Variants in UTP18 observed in about 807,000 individuals in gnomAD.
The protein encoded by UTP18 is UTP18 small subunit processome component.
In UTP18, 36 loss-of-function variants were observed where a neutral mutation model predicts 61.1. That is an observed-to-expected ratio of 0.59 (90% CI 0.45 to 0.78). The LOEUF is 0.78. Among genes scored for constraint, UTP18 ranks in the 30% least tolerant of loss-of-function variants. The probability of loss-of-function intolerance (pLI) is 0.00; values close to 1 mark genes in which losing one functional copy is unlikely to be tolerated. For missense variants in UTP18, 753 were observed against 693.9 expected (o/e 1.09, Z -0.96); for synonymous variants, 282 against 251.1 (o/e 1.12, Z -1.16).
chr17:51,269,600 C>T (rs1424861963), intron 4 of UTP18, among the ~76,000 whole-genome samples: 2 of 152,184 alleles, frequency 1.3e-5, no homozygotes, highest in Middle Eastern at 6.8e-3. Flanking sequence ...CTCCTTTGTC[C>T]CCTTTCTTCC....
At chr17:51,282,593 A>C (rs1904974107) in intron 9 of UTP18, among the ~76,000 whole-genome samples, 1 of 151,472 alleles carries the variant, frequency 6.6e-6, no homozygotes, top group Admixed American at 6.6e-5. Flanking sequence ...CCTGGTAGAG[A>C]GAGAGTCGGG....
At chr17:51,268,956 C>G (rs769471546) in intron 4 of UTP18, 52 bp downstream of exon 4, 1 of 1,554,404 alleles carries the variant, frequency 6.4e-7, no homozygotes, top group Non-Finnish European at 8.9e-7. Flanking sequence ...TGTTCCTGTT[C>G]GTTATTATTT....
chr17:51,288,279 G>GA, intron 11 of UTP18, 76 bp downstream of exon 11: 2 of 1,351,810 alleles, frequency 1.5e-6, no homozygotes, highest in Non-Finnish European at 2.0e-6. Flanking sequence ...AACAGGAAAG[G>GA]AGAGCGTTGA....
At chr17:51,293,792 T>C (rs1414646681) in intron 11 of UTP18, 111 bp from the exon 12 acceptor site, 1 of 960,116 alleles carries the variant, frequency 1.0e-6, no homozygotes, top group Non-Finnish European at 1.4e-6. Flanking sequence ...TCTTGTGTGC[T>C]ACAATCAAAA....
rs1266645228 is a variant in UTP18 at position 51,285,497 on chromosome 17, A to G, written c.1328+129A>G. ...CTATTCAGTAATATGAAATTGGTCA[A>G]CCCAGCTGAGCTTTTTTCATTTTAT... On this transcript the variant is annotated intron_variant, in intron 10 of 13. Transcript: ENST00000225298. The G allele has an allele frequency of 3.7e-5, 42 of 1,144,688 alleles. No individual in the cohort carries two copies. The East Asian group carries it at 8.7e-4, about 24-fold the overall frequency. The allele number at this position is 1,144,688 out of a possible 1,614,324, so 70.9% of individuals were successfully genotyped here. A position where few individuals can be genotyped will look rare whatever the true frequency, so the allele number is the denominator to read the frequency against.
intron 11 of UTP18, chr17:51,288,612 A>G (rs1310930818): frequency 4.4e-6 from 2 of 456,312 alleles, no homozygotes; most frequent in Non-Finnish European, 8.8e-6. Context: ...CTTGAAAATT[A>G]AATTGTATAA....
intron 10 of UTP18, among the ~76,000 whole-genome samples, chr17:51,286,800 C>G (rs1053289182): frequency 6.6e-6 from 1 of 152,096 alleles, no homozygotes; most frequent in Non-Finnish European, 1.5e-5. Flanking sequence ...ATGAAGACTG[C>G]TGTTTAAACT....
rs760724191 is a variant in UTP18 at position 51,260,559 on chromosome 17, G to GCCTGCGTTTCTCCTCAAA, written c.-22_-5dup. 1.9e-6 allele frequency: 3 copies of GCCTGCGTTTCTCCTCAAA among 1,598,784 alleles called. No homozygotes were observed. The highest frequency in any genetic ancestry group is 2.6e-6 in the Non-Finnish European group (3 of 1,174,536). On this transcript the variant is annotated 5_prime_UTR_variant, in exon 1 of 14. Transcript: ENST00000225298. ...ATGCGCAGCGAGGTTCCACGTGAGC[G>GCCTGCGTTTCTCCTCAAA]CCTGCGTTTCTCCTCAAACCTAACG...
chr17:51,281,123 GC>G (rs1904903469), intron 9 of UTP18, among the ~76,000 whole-genome samples: 1 of 149,548 alleles, frequency 6.7e-6, no homozygotes. Flanking sequence ...GCTGCACTGA[GC>G]TGAGATCACG....
At chr17:51,287,493 A>G (rs1905147197) in intron 10 of UTP18, among the ~76,000 whole-genome samples, 1 of 152,170 alleles carries the variant, frequency 6.6e-6, no homozygotes, top group Non-Finnish European at 1.5e-5. Flanking sequence ...GTGGGAGAGA[A>G]GTATTCACAT....
chr17:51,292,289 G>A (rs1905259077), intron 11 of UTP18, among the ~76,000 whole-genome samples: 1 of 152,202 alleles, frequency 6.6e-6, no homozygotes, highest in Non-Finnish European at 1.5e-5. Context: ...TTGGGGTACT[G>A]CCAACTTCTT....
At chr17:51,289,392 A>G (rs777751261) in intron 11 of UTP18, among the ~76,000 whole-genome samples, 8 of 140,132 alleles carry the variant, frequency 5.7e-5, no homozygotes, top group African/African-American at 1.3e-4. Context: ...TTTTTTAAGT[A>G]GAGACGGGGT....
rs532829481 is a variant in UTP18 at position 51,260,630 on chromosome 17, G to T, written c.46G>T (p.Gly16Ter). 1 of 1,612,700 alleles carries T rather than the reference G, an allele frequency of 6.2e-7. No homozygotes were observed. The highest frequency in any genetic ancestry group is 8.5e-7 in the Non-Finnish European group (1 of 1,179,748). The change falls in exon 1 of 14, where the codon GGA becomes TGA. Residue 16 changes from glycine (G) to a stop codon, truncating the protein, a stop_gained. Transcript: ENST00000225298. LOFTEE classifies it high-confidence loss of function. ...RRRMKLDRRT[G>*]AKPKRKPGMR... Reference sequence around the variant, plus strand: ...ACGAATGAAACTGGACCGGAGAACCGGAGCGAAGCCGAAGCGGAAGCCCGG... The same window carrying T: ...ACGAATGAAACTGGACCGGAGAACCTGAGCGAAGCCGAAGCGGAAGCCCGG...
At chr17:51,294,597 C>G (rs1905314413) in intron 12 of UTP18, among the ~76,000 whole-genome samples, 1 of 152,062 alleles carries the variant, frequency 6.6e-6, no homozygotes, top group South Asian at 2.1e-4. Flanking sequence ...TCCAGTCTAT[C>G]ATTGTTGGAC....
chr17:51,277,015 C>T (rs1904745036), intron 6 of UTP18, 115 bp from the exon 7 acceptor site: 2 of 1,111,268 alleles, frequency 1.8e-6, no homozygotes, highest in East Asian at 2.5e-5. Context: ...CTTAAGTCAG[C>T]CTTCAGCCCC....
chr17:51,276,416 A>G (rs1483151283), intron 6 of UTP18, among the ~76,000 whole-genome samples: 2 of 152,272 alleles, frequency 1.3e-5, no homozygotes, highest in Non-Finnish European at 1.5e-5. Flanking sequence ...TTAAAATAAT[A>G]GATTGAGAAG....
At position 51,275,877 on chromosome 17, in the gene UTP18, C is replaced by T; in HGVS notation, c.723C>T (p.Cys241=). 6.2e-7 allele frequency: 1 copy of T among 1,601,130 alleles called. No homozygotes were observed. ...LPRGILKMKN[C]QHANAERPTV... is the part of the protein sequence containing the mutation. The stretch of plus-strand genomic sequence containing the variant: ...TTCATTTCCTATAGATGAAGAACTG[C>T]CAGCATGCGAATGCTGAACGTCCTA... Residue 241 remains cysteine, a synonymous_variant, in exon 6 of 14, where the codon TGC becomes TGT. Transcript: ENST00000225298.
chr17:51,266,326 A>T (rs574732876), intron 3 of UTP18, 46 bp downstream of exon 3: 1 of 1,372,670 alleles, frequency 7.3e-7, no homozygotes, highest in African/African-American at 1.5e-5. Flanking sequence ...GTATGTAACC[A>T]ATGCCCAGTC....
intron 9 of UTP18, 141 bp from the exon 10 acceptor site, chr17:51,285,104 A>G (rs1365015715): frequency 1.3e-6 from 1 of 792,678 alleles, no homozygotes; most frequent in African/African-American, 1.7e-5. Flanking sequence ...TTCTTAGTCC[A>G]GTTTTCCAGA....
Sources: gnomAD v4.1 joint callset for allele counts (sites outside exome capture counted in the v4.1 genomes callset) on GRCh38, gnomAD v4.1.1 for gene constraint, MANE v1.5 for transcripts, NCBI Gene and HGNC (gene_info 2026-07-23, HGNC 2026-07-21) for gene names.